The following ABHD17C variants were observed in gnomAD, a reference collection of about 807,000 sequenced individuals.
ABHD17C encodes alpha/beta hydrolase domain-containing protein 17C.
ABHD17C carries 11 observed loss-of-function variants against 27.9 expected under a neutral mutation model. The observed-to-expected ratio is 0.39, with a 90% CI of 0.25 to 0.65. ABHD17C has a LOEUF of 0.65. Ranked by LOEUF, ABHD17C falls within the 30% of genes least tolerant of loss-of-function variation. The pLI is 0.45. For missense variants in ABHD17C, 280 were observed against 470.2 expected, an observed-to-expected ratio of 0.60 and a Z score of 3.74; for synonymous variants, 233 against 209.1, an observed-to-expected ratio of 1.11 and a Z score of -0.98.
intron 1 of ABHD17C, among the ~76,000 whole-genome samples, chr15:80,728,751 A>G (rs1309819667): frequency 6.6e-6 from 1 of 152,180 alleles, no homozygotes; most frequent in East Asian, 1.9e-4. Flanking sequence ...AAGTAGTCAA[A>G]TTAGTTATCA....
At chr15:80,732,730 G>A (rs1451550634) in intron 1 of ABHD17C, among the ~76,000 whole-genome samples, 3 of 152,096 alleles carry the variant, frequency 2.0e-5, no homozygotes, top group Non-Finnish European at 4.4e-5. Context: ...TGCTTCATGG[G>A]TTCTGCCCAG....
chr15:80,741,739 G>C (rs192189184), intron 1 of ABHD17C, among the ~76,000 whole-genome samples: 68 of 152,304 alleles, frequency 4.5e-4, no homozygotes, highest in Admixed American at 1.4e-3. Flanking sequence ...TTCTTATTAA[G>C]TTGGGAACTT....
Position 80,748,839 on chromosome 15 carries a change from G to A in ABHD17C, c.591-674G>A, listed in dbSNP as rs546106376. 2.6e-5 allele frequency among the ~76,000 whole-genome samples: 4 copies of A among 151,444 alleles called. No individual in the cohort carries two copies. In the East Asian group the frequency reaches 7.8e-4, roughly 29 times the overall value. ...GCTCGTGTCACTTCTGCTGACATGC[G>A]GTTGGCTGGAACTTAGGTCTCTGCA... On this transcript the variant is annotated intron_variant, in intron 1 of 2. Transcript: ENST00000258884.
At chr15:80,723,066 T>C (rs1037830844) in intron 1 of ABHD17C, among the ~76,000 whole-genome samples, 1 of 151,946 alleles carries the variant, frequency 6.6e-6, no homozygotes, top group African/African-American at 2.4e-5. Context: ...CATCTGAGGA[T>C]TGTCGTCCTG....
At chr15:80,736,232 T>A in intron 1 of ABHD17C, among the ~76,000 whole-genome samples, 1 of 152,258 alleles carries the variant, frequency 6.6e-6, no homozygotes, top group East Asian at 1.9e-4. Flanking sequence ...TTTTACTTAG[T>A]ATAATGCTAA....
chr15:80,731,850 CT>C (rs1309499710), intron 1 of ABHD17C, among the ~76,000 whole-genome samples: 2 of 152,172 alleles, frequency 1.3e-5, no homozygotes, highest in African/African-American at 2.4e-5. Context: ...AATGCTGACT[CT>C]TTTTTTAAAA....
intron 1 of ABHD17C, among the ~76,000 whole-genome samples, chr15:80,699,682 C>T (rs1894544879): frequency 6.6e-6 from 1 of 152,172 alleles, no homozygotes; most frequent in African/African-American, 2.4e-5. Flanking sequence ...TGAATCCCCC[C>T]AGATGATGAG....
intron 1 of ABHD17C, among the ~76,000 whole-genome samples, chr15:80,715,539 A>G (rs566364703): frequency 4.6e-5 from 7 of 152,356 alleles, no homozygotes; most frequent in Admixed American, 1.3e-4. Flanking sequence ...TGTAAGTTGG[A>G]TAGAATACAT....
At chr15:80,697,378 C>CT (rs1453818045) in intron 1 of ABHD17C, among the ~76,000 whole-genome samples, 4 of 152,172 alleles carry the variant, frequency 2.6e-5, no homozygotes, top group African/African-American at 9.7e-5. Flanking sequence ...CACACACAGT[C>CT]TATAGCTTGC....
chr15:80,740,372 G>C (rs192258567), intron 1 of ABHD17C, among the ~76,000 whole-genome samples: 1 of 152,028 alleles, frequency 6.6e-6, no homozygotes, highest in Admixed American at 6.6e-5. Flanking sequence ...AGCTGTACTC[G>C]CTGCACTGGT....
intron 2 of ABHD17C, 141 bp from the exon 3 acceptor site, chr15:80,754,010 A>G (rs1895399109): frequency 1.4e-6 from 1 of 708,682 alleles, no homozygotes; most frequent in Non-Finnish European, 2.4e-6. Context: ...ATTTAAAAAC[A>G]AAACAAAACA....
At position 80,695,878 on chromosome 15, in the gene ABHD17C, G is replaced by C. The variant is rs1211708643; in HGVS notation, c.449G>C (p.Ser150Thr). ...GCCGTGGACCTGGGCCAGATGTGCA[G>C]CTTCTACATTGGCCTCGGCTCCCGC... ...GNAVDLGQMC[S>T]FYIGLGSRIN... The change falls in exon 1 of 3, where the codon AGC (serine) becomes ACC (threonine). Residue 150 changes from serine (S) to threonine (T), a missense_variant. Ser to Thr is a moderately conservative substitution (Grantham distance 58, BLOSUM62 1). This residue lies in a region of ABHD17C where 206 missense variants were observed against 394.7 expected (regional missense o/e 0.52). Transcript: ENST00000258884. The surrounding 1 kb of genome is among the most constrained non-coding windows in gnomAD (Gnocchi z 4.3). 2 of 1,597,332 alleles carry C rather than the reference G, an allele frequency of 1.3e-6. No homozygotes were observed. Among genetic ancestry groups the C allele is most frequent in the Non-Finnish European group, 1.7e-6 (2 of 1,179,286 alleles).
chr15:80,735,447 C>T (rs1159407827), intron 1 of ABHD17C, among the ~76,000 whole-genome samples: 1 of 152,128 alleles, frequency 6.6e-6, no homozygotes, highest in Non-Finnish European at 1.5e-5. Context: ...CTGCAAAGCA[C>T]TTCTTCCCAC....
rs963211896 is a variant in ABHD17C at position 80,695,616 on chromosome 15, ACCGCCG to A, written c.198_203del (p.Ala68_Ala69del). 3.4e-6 allele frequency: 4 copies of A among 1,170,110 alleles called. No individual in the cohort carries two copies. Among genetic ancestry groups the A allele is most frequent in the African/African-American group, 1.6e-5 (1 of 61,274 alleles). 72.5% of individuals were successfully genotyped at this position (1,170,110 alleles called of 1,614,324 possible). ...GTCCGCCCCGGCCCCGGCCCAGGCT[ACCGCCG>A]CCGCCGCCGCGGCCCAGCCGGCACC... is the stretch of plus-strand genomic sequence containing the variant. On this transcript the variant is annotated inframe_deletion, in exon 1 of 3. Coordinates refer to ENST00000258884, the MANE Select transcript of ABHD17C (RefSeq NM_021214.2). This position sits in a 1 kb window ranked among gnomAD's most constrained non-coding sequence, Gnocchi z 4.3.
intron 1 of ABHD17C, among the ~76,000 whole-genome samples, chr15:80,729,887 G>C (rs1895034228): frequency 6.6e-6 from 1 of 152,142 alleles, no homozygotes; most frequent in South Asian, 2.1e-4. Flanking sequence ...TGAGGCAGGA[G>C]GATCATTTGA....
chr15:80,718,166 T>G (rs1894835248), intron 1 of ABHD17C, among the ~76,000 whole-genome samples: 1 of 152,162 alleles, frequency 6.6e-6, no homozygotes. Flanking sequence ...AACAGTCCCA[T>G]GCTTTTGATC....
intron 1 of ABHD17C, among the ~76,000 whole-genome samples, chr15:80,729,543 T>A (rs1409275728): frequency 6.6e-6 from 1 of 152,238 alleles, no homozygotes; most frequent in East Asian, 1.9e-4. Flanking sequence ...TCATTCTGAT[T>A]GCTTTCAAGT....
intron 1 of ABHD17C, among the ~76,000 whole-genome samples, chr15:80,733,680 T>G (rs1198504595): frequency 6.6e-6 from 1 of 152,192 alleles, no homozygotes; most frequent in Non-Finnish European, 1.5e-5. Context: ...CTGTCTCAGA[T>G]TCACAGTCAT....
At chr15:80,739,931 A>G (rs1311889801) in intron 1 of ABHD17C, among the ~76,000 whole-genome samples, 1 of 152,108 alleles carries the variant, frequency 6.6e-6, no homozygotes, top group Non-Finnish European at 1.5e-5. Context: ...AGTGTCACAC[A>G]TCTATTCTGC....
Sources: gnomAD v4.1 joint callset for allele counts (sites outside exome capture counted in the v4.1 genomes callset) on GRCh38, gnomAD v4.1.1 for gene constraint, gnomAD v4.1.1 regional missense constraint, Gnocchi (gnomAD v3.1) non-coding constraint, MANE v1.5 for transcripts, NCBI Gene and HGNC (gene_info 2026-07-23, HGNC 2026-07-21) for gene names.